SHPRH: variants seen among roughly 807,000 people sequenced by gnomAD.
SHPRH encodes E3 ubiquitin-protein ligase SHPRH.
A neutral mutation model predicts 202.5 loss-of-function variants in SHPRH; 106 were observed. The observed-to-expected ratio is 0.52, with a 90% CI of 0.45 to 0.62. SHPRH has a LOEUF of 0.62. SHPRH is among the 20% of genes least tolerant of loss of function. The probability of loss-of-function intolerance (pLI) is 0.00; values close to 1 mark genes in which losing one functional copy is unlikely to be tolerated. For missense variants in SHPRH, 1,710 were observed against 2,020.0 expected (o/e 0.85, Z 2.94); for synonymous variants, 729 against 686.0 (o/e 1.06, Z -0.98).
rs113148689 is a variant in SHPRH, at chr6:145,886,792, A to C, written c.4956-5T>G. On this transcript the variant is annotated splice_polypyrimidine_tract_variant and splice_region_variant and intron_variant, in intron 29 of 29. Transcript: ENST00000275233. ...TTTGCTGATGAGTTCGTGTGACTGC[A>C]AGGTTTCCCAAATGAGCACAGTCAG... 2 of 1,611,648 alleles carry C rather than the reference A, an allele frequency of 1.2e-6. No individual in the cohort carries two copies. Among genetic ancestry groups the C allele is most frequent in the African/African-American group, 1.3e-5 (1 of 74,936 alleles).
chr6:145,958,632 G>C (rs1402300087), intron 1 of SHPRH, among the ~76,000 whole-genome samples: 1 of 152,146 alleles, frequency 6.6e-6, no homozygotes, highest in African/African-American at 2.4e-5. Context: ...CAAGGAAGTA[G>C]TTTCTAGCTA....
At chr6:145,962,174 A>G (rs1464419609) in intron 1 of SHPRH, among the ~76,000 whole-genome samples, 2 of 152,228 alleles carry the variant, frequency 1.3e-5, no homozygotes, top group African/African-American at 2.4e-5. Context: ...TCTTCCCTGG[A>G]AAGGCTTCCA....
intron 14 of SHPRH, among the ~76,000 whole-genome samples, chr6:145,932,239 G>T (rs1224782863): frequency 6.6e-6 from 1 of 151,974 alleles, no homozygotes. Flanking sequence ...TGTCTATATG[G>T]TGCTTATTAA....
At chr6:145,957,788 A>G (rs1182767686) in intron 1 of SHPRH, among the ~76,000 whole-genome samples, 1 of 152,218 alleles carries the variant, frequency 6.6e-6, no homozygotes, top group Admixed American at 6.5e-5. Flanking sequence ...ATAAAATTGA[A>G]TATAACTTAC....
chr6:145,915,372 CTT>C (rs1189186998), intron 23 of SHPRH, among the ~76,000 whole-genome samples: 1 of 151,560 alleles, frequency 6.6e-6, no homozygotes, highest in Non-Finnish European at 1.5e-5. Context: ...CATATTTAAG[CTT>C]TTGTTCTTCA....
At chr6:145,921,934 T>C (rs765340106) in intron 20 of SHPRH, among the ~76,000 whole-genome samples, 13 of 152,044 alleles carry the variant, frequency 8.6e-5, no homozygotes, top group Non-Finnish European at 1.3e-4. Context: ...TTCTTTATTC[T>C]TGAAGAAGTT....
chr6:145,961,016 G>A (rs947276917), intron 1 of SHPRH, among the ~76,000 whole-genome samples: 1 of 151,748 alleles, frequency 6.6e-6, no homozygotes, highest in African/African-American at 2.4e-5. Flanking sequence ...GTAATCTACT[G>A]ACTGTTGATC....
rs993567257 is a variant in SHPRH, at chr6:145,884,886, G to GT, written c.*1804dup. The stretch of plus-strand genomic sequence containing the variant: ...AACAGTTTTTGTCTAATACAGATAG[G>GT]TTTTTTTATATATATGTAATTTGAT... On this transcript the variant is annotated 3_prime_UTR_variant, in exon 30 of 30. Coordinates refer to ENST00000275233, the MANE Select transcript of SHPRH (RefSeq NM_001042683.3). The GT allele has an allele frequency of 1.3e-5, 2 of 151,922 alleles. No individual in the cohort carries two copies. Among genetic ancestry groups the GT allele is most frequent in the African/African-American group, 2.4e-5 (1 of 41,364 alleles). The allele number at this position is 151,922 out of a possible 1,614,324, so 9.4% of individuals were successfully genotyped here.
At chr6:145,947,999 A>G (rs1490099398) in intron 5 of SHPRH, among the ~76,000 whole-genome samples, 2 of 152,066 alleles carry the variant, frequency 1.3e-5, no homozygotes, top group African/African-American at 2.4e-5. Context: ...AACTGACCCC[A>G]TAATAAACAA....
At chr6:145,925,368 A>ACACACACACG (rs909521842) in intron 16 of SHPRH, among the ~76,000 whole-genome samples, 5 of 151,250 alleles carry the variant, frequency 3.3e-5, no homozygotes, top group Admixed American at 2.7e-4. Context: ...ACACACACAC[A>ACACACACACG]CATGCATGCA....
chr6:145,937,010 G>T (rs1385628081), intron 11 of SHPRH, among the ~76,000 whole-genome samples: 2 of 130,900 alleles, frequency 1.5e-5, no homozygotes, highest in East Asian at 2.2e-4. Flanking sequence ...TTGAGACAGA[G>T]TCTTGCTCTG....
chr6:145,903,540 A>G (rs1782688980), intron 25 of SHPRH: 1 of 152,050 alleles, frequency 6.6e-6, no homozygotes, highest in Non-Finnish European at 1.5e-5. Context: ...GTCAAAGTTT[A>G]TGGAGACAGA....
chr6:145,923,865 C>T, intron 17 of SHPRH, 80 bp from the exon 18 acceptor site: 1 of 1,400,040 alleles, frequency 7.1e-7, no homozygotes, highest in Non-Finnish European at 9.6e-7. Context: ...CAGGGTGATG[C>T]CAAAATTCAA....
At chr6:145,919,302 G>A (rs955105928) in intron 22 of SHPRH, 46 bp downstream of exon 22, 1 of 1,608,522 alleles carries the variant, frequency 6.2e-7, no homozygotes, top group African/African-American at 1.3e-5. Flanking sequence ...AGATATCTGT[G>A]ACATCTGCTT....
intron 25 of SHPRH, among the ~76,000 whole-genome samples, chr6:145,896,077 A>T (rs1477334843): frequency 6.6e-6 from 1 of 152,048 alleles, no homozygotes; most frequent in Non-Finnish European, 1.5e-5. Flanking sequence ...ACATGAAGAA[A>T]CATTCAAAGG....
At chr6:145,946,401 TATTGAA>T (rs1247562686) in intron 6 of SHPRH, 60 bp from the exon 7 acceptor site, 1 of 1,322,616 alleles carries the variant, frequency 7.6e-7, no homozygotes, top group South Asian at 1.5e-5. Flanking sequence ...CTGAATTGCT[TATTGAA>T]ATTAACTTTC....
intron 2 of SHPRH, among the ~76,000 whole-genome samples, chr6:145,871,828 G>A (rs6928169): frequency 0.012 from 1,808 of 152,222 alleles, 31 homozygotes; most frequent in African/African-American, 0.04. Context: ...AAAATAGCAC[G>A]GTACTGGTAC....
downstream of SHPRH, among the ~76,000 whole-genome samples, chr6:145,863,761 A>T (rs971117419): frequency 6.6e-6 from 1 of 152,158 alleles, no homozygotes; most frequent in South Asian, 2.1e-4. Context: ...GACATGATCA[A>T]AGTGTTTTCG....
chr6:145,945,290 G>C (rs189245281), intron 8 of SHPRH, 91 bp downstream of exon 8: 337 of 1,391,158 alleles, frequency 2.4e-4, no homozygotes, highest in Non-Finnish European at 3.0e-4. Context: ...CAGATCGTAA[G>C]AGTTTCAGTT....
Sources: allele counts gnomAD v4.1 joint callset (sites outside exome capture counted in the v4.1 genomes callset), GRCh38; gene constraint gnomAD v4.1.1; transcripts MANE v1.5; gene names NCBI Gene and HGNC (gene_info 2026-07-23, HGNC 2026-07-21).